Variants in ITGBL1 observed in about 807,000 individuals in gnomAD.
ITGBL1 encodes integrin beta-like protein 1.
ITGBL1 carries 51 observed loss-of-function variants against 68.5 expected under a neutral mutation model. The observed-to-expected ratio is 0.74, with a 90% CI of 0.59 to 0.94. ITGBL1 has a LOEUF of 0.94. ITGBL1 is among the 40% of genes least tolerant of loss of function. The pLI, the probability that ITGBL1 is intolerant of heterozygous loss-of-function variation, is 0.00. For missense variants in ITGBL1, 649 were observed against 647.4 expected (o/e 1.00, Z -0.03); for synonymous variants, 209 against 227.3 (o/e 0.92, Z 0.72).
intron 2 of ITGBL1, among the ~76,000 whole-genome samples, chr13:101,556,564 G>A (rs1287959551): frequency 2.0e-5 from 3 of 152,160 alleles, no homozygotes; most frequent in South Asian, 4.1e-4. Flanking sequence ...CTCCAGAGGC[G>A]GAGGTTGTGG....
intron 7 of ITGBL1, among the ~76,000 whole-genome samples, chr13:101,654,089 A>C (rs2032846577): frequency 6.6e-6 from 1 of 151,964 alleles, no homozygotes; most frequent in Admixed American, 6.6e-5. Flanking sequence ...AATTCTTTAC[A>C]AGCGGAAGTA....
intron 7 of ITGBL1, among the ~76,000 whole-genome samples, chr13:101,606,005 C>T (rs543466374): frequency 6.9e-6 from 1 of 144,078 alleles, no homozygotes; most frequent in South Asian, 2.2e-4. Context: ...TATATATACA[C>T]ATATATATGT....
rs34627046 is a variant in ITGBL1, at chr13:101,689,211, T to TAAAAAAAAAAAAAAAAAAAAAA, written c.1016-3373_1016-3352dup. On this transcript the variant is annotated intron_variant, in intron 7 of 10. Transcript: ENST00000376180. ...CCTGGGGACAGAGCAAGACTCTGCC[T>TAAAAAAAAAAAAAAAAAAAAAA]AAAAAAAAAAAAAAAAAAAAAATTA... 7.9e-3 allele frequency among the ~76,000 whole-genome samples: 594 copies of TAAAAAAAAAAAAAAAAAAAAAA among 74,778 alleles called. 49 individuals carry two copies. Among genetic ancestry groups the TAAAAAAAAAAAAAAAAAAAAAA allele is most frequent in the East Asian group, 0.014 (12 of 828 alleles). 49.1% of individuals were successfully genotyped at this position (74,778 alleles called of 152,430 possible). A position where few individuals can be genotyped will look rare whatever the true frequency, so the allele number is the denominator to read the frequency against.
intron 2 of ITGBL1, among the ~76,000 whole-genome samples, chr13:101,563,318 T>C (rs1350839118): frequency 6.6e-6 from 1 of 150,528 alleles, no homozygotes; most frequent in African/African-American, 2.4e-5. Context: ...AATAGTGAAA[T>C]TGAAAAGAGA....
chr13:101,455,243 C>T (rs943904705), intron 2 of ITGBL1, among the ~76,000 whole-genome samples: 2 of 152,140 alleles, frequency 1.3e-5, no homozygotes, highest in African/African-American at 4.8e-5. Context: ...AACCTGGGCC[C>T]AGTAGTGTAT....
chr13:101,570,895 T>C (rs1282475057), intron 3 of ITGBL1, among the ~76,000 whole-genome samples: 2 of 152,186 alleles, frequency 1.3e-5, no homozygotes, highest in African/African-American at 4.8e-5. Context: ...GGATCATTTA[T>C]GAGGCCTAAC....
chr13:101,531,613 G>T (rs889393332), intron 2 of ITGBL1, among the ~76,000 whole-genome samples: 3 of 138,604 alleles, frequency 2.2e-5, no homozygotes, highest in Admixed American at 7.3e-5. Context: ...ATTTTTTGGG[G>T]GGAGGGGATT....
intron 7 of ITGBL1, among the ~76,000 whole-genome samples, chr13:101,658,908 C>T (rs1309917883): frequency 1.4e-5 from 2 of 144,288 alleles, no homozygotes; most frequent in African/African-American, 2.4e-5. Context: ...TAAAAATATA[C>T]ATATATCAAA....
chr13:101,567,907 A>C (rs1566735393), intron 3 of ITGBL1, 62 bp downstream of exon 3: 1 of 1,357,122 alleles, frequency 7.4e-7, no homozygotes, highest in Admixed American at 1.8e-5. Flanking sequence ...TTTAATGGAA[A>C]TATGTGGGCG....
intron 2 of ITGBL1, among the ~76,000 whole-genome samples, chr13:101,533,115 T>C (rs201145222): frequency 6.6e-6 from 1 of 152,188 alleles, no homozygotes; most frequent in East Asian, 1.9e-4. Flanking sequence ...AAAGGTTTTA[T>C]GGTCAAATTT....
At position 101,672,744 on chromosome 13, in the gene ITGBL1, G is replaced by A. The variant is rs143782054; in HGVS notation, c.1016-19841G>A. On this transcript the variant is annotated intron_variant, in intron 7 of 10. Coordinates refer to ENST00000376180, the MANE Select transcript of ITGBL1 (RefSeq NM_004791.3). ...TCTCTGGCAAGAGACAGACAGAGACGGCTGCTCTCCTCTCCCCTTTCTTCT... is the reference window on the plus strand; with the variant it reads ...TCTCTGGCAAGAGACAGACAGAGACAGCTGCTCTCCTCTCCCCTTTCTTCT... Among the ~76,000 whole-genome samples the A allele has an allele frequency of 1.2e-3, 181 of 152,184 alleles. No individual in the cohort carries two copies. The South Asian group carries it at 0.013, about 11-fold the overall frequency.
At chr13:101,603,593 A>C (rs931642966) in intron 7 of ITGBL1, among the ~76,000 whole-genome samples, 8 of 151,712 alleles carry the variant, frequency 5.3e-5, no homozygotes, top group Admixed American at 4.6e-4. Flanking sequence ...GCAAAAAATA[A>C]TTTTACATTA....
At chr13:101,685,061 A>T (rs1224360736) in intron 7 of ITGBL1, among the ~76,000 whole-genome samples, 1 of 151,954 alleles carries the variant, frequency 6.6e-6, no homozygotes, top group Non-Finnish European at 1.5e-5. Flanking sequence ...CTCTGTTTTT[A>T]AAGTATTTCT....
intron 7 of ITGBL1, among the ~76,000 whole-genome samples, chr13:101,658,222 C>G (rs987690279): frequency 6.6e-6 from 1 of 152,142 alleles, no homozygotes. Context: ...AAAAAGGCTA[C>G]TGGGAGAATG....
rs1317764111 is a variant in ITGBL1 at position 101,607,463 on chromosome 13, G to T, written c.1015+9164G>T. Among the ~76,000 whole-genome samples the T allele has an allele frequency of 2.6e-5, 4 of 151,866 alleles. No homozygotes were observed. The East Asian group carries it at 7.7e-4, about 29-fold the overall frequency. ...CTGCATAATATTCCATTATATAGTT[G>T]TAGCAAAATAATTCAATCAATCCTC... On this transcript the variant is annotated intron_variant, in intron 7 of 10. Transcript: ENST00000376180.
chr13:101,476,894 A>G (rs886507215), intron 2 of ITGBL1, among the ~76,000 whole-genome samples: 1 of 152,170 alleles, frequency 6.6e-6, no homozygotes, highest in South Asian at 2.1e-4. Context: ...CAATACAATA[A>G]GAGCTAAAGA....
intron 2 of ITGBL1, among the ~76,000 whole-genome samples, chr13:101,484,058 G>GT (rs966663996): frequency 1.5e-3 from 227 of 149,448 alleles, no homozygotes; most frequent in African/African-American, 4.3e-3. Context: ...GGCATATTTG[G>GT]TTTTTTTTTC....
At chr13:101,454,682 G>T (rs931167800) in intron 2 of ITGBL1, among the ~76,000 whole-genome samples, 1 of 152,172 alleles carries the variant, frequency 6.6e-6, no homozygotes, top group Admixed American at 6.5e-5. Flanking sequence ...GAGGGGGAAT[G>T]TATTATTTTC....
At chr13:101,476,292 A>G (rs1018086190) in intron 2 of ITGBL1, among the ~76,000 whole-genome samples, 10 of 152,132 alleles carry the variant, frequency 6.6e-5, no homozygotes, top group African/African-American at 1.9e-4. Context: ...GAATTATAAG[A>G]TATTATTTGC....
Sources: gnomAD v4.1 joint callset for allele counts (sites outside exome capture counted in the v4.1 genomes callset) on GRCh38, gnomAD v4.1.1 for gene constraint, MANE v1.5 for transcripts, NCBI Gene and HGNC (gene_info 2026-07-23, HGNC 2026-07-21) for gene names.